The following SDCCAG8 variants were observed in gnomAD, a reference collection of about 807,000 sequenced individuals.
SDCCAG8 encodes the protein SHH signaling and ciliogenesis regulator SDCCAG8, also known as serologically defined colon cancer antigen 8.
SDCCAG8 carries 74 observed loss-of-function variants against 101.8 expected under a neutral mutation model. That is an observed-to-expected ratio of 0.73 (90% CI 0.60 to 0.88). The LOEUF (loss-of-function observed/expected upper bound fraction) is 0.88. Ranked by LOEUF, SDCCAG8 falls within the 40% of genes least tolerant of loss-of-function variation. The pLI, the probability that SDCCAG8 is intolerant of heterozygous loss-of-function variation, is 0.00. For synonymous variants in SDCCAG8, 281 were observed against 292.9 expected, an observed-to-expected ratio of 0.96 and a Z score of 0.41; for missense variants, 787 against 822.6, an observed-to-expected ratio of 0.96 and a Z score of 0.53.
chr1:243,312,681 G>T (rs1385777639), intron 8 of SDCCAG8, among the ~76,000 whole-genome samples: 3 of 150,682 alleles, frequency 2.0e-5, no homozygotes, highest in Admixed American at 6.6e-5. Flanking sequence ...ACTTCAGCCT[G>T]GGCAACAGAG....
intron 6 of SDCCAG8, among the ~76,000 whole-genome samples, chr1:243,302,817 T>C (rs1161184456): frequency 6.6e-6 from 1 of 152,066 alleles, no homozygotes; most frequent in Non-Finnish European, 1.5e-5. Context: ...GGGTACTCTA[T>C]GGAAAGCATT....
intron 9 of SDCCAG8, among the ~76,000 whole-genome samples, chr1:243,329,857 G>A (rs1187539636): frequency 6.6e-6 from 1 of 152,078 alleles, no homozygotes. Context: ...ATGCAGAGTG[G>A]GAAATTTACA....
At chr1:243,485,270 T>A (rs1664567918) in intron 16 of SDCCAG8, among the ~76,000 whole-genome samples, 1 of 152,214 alleles carries the variant, frequency 6.6e-6, no homozygotes, top group Non-Finnish European at 1.5e-5. Context: ...TACTAGCATG[T>A]ACCTCCTAGG....
At chr1:243,394,240 A>G (rs1227734711) in intron 13 of SDCCAG8, among the ~76,000 whole-genome samples, 1 of 152,224 alleles carries the variant, frequency 6.6e-6, no homozygotes, top group Admixed American at 6.5e-5. Flanking sequence ...GTGGTATAAC[A>G]TAGCCATATG....
chr1:243,294,501 A>AAGAGAGAGAG (rs2070627731), intron 6 of SDCCAG8, among the ~76,000 whole-genome samples: 2 of 26,698 alleles, frequency 7.5e-5, no homozygotes, highest in Admixed American at 3.9e-4. Context: ...GAGAGAGAGA[A>AAGAGAGAGAG]AGAGCGAGAG....
intron 12 of SDCCAG8, among the ~76,000 whole-genome samples, chr1:243,354,070 C>A (rs2076253499): frequency 6.6e-6 from 1 of 152,152 alleles, no homozygotes; most frequent in Admixed American, 6.5e-5. Context: ...ACCATGAGTA[C>A]AAAGTCATGA....
chr1:243,356,423 G>GC (rs1553324189), intron 12 of SDCCAG8, among the ~76,000 whole-genome samples: 1 of 150,624 alleles, frequency 6.6e-6, no homozygotes, highest in Non-Finnish European at 1.5e-5. Context: ...GTAGTGGCGG[G>GC]GGGGTGGTGG....
chr1:243,436,870 T>G (rs2082167816), intron 16 of SDCCAG8, among the ~76,000 whole-genome samples: 1 of 152,234 alleles, frequency 6.6e-6, no homozygotes, highest in African/African-American at 2.4e-5. Context: ...CTGTGAGTAT[T>G]AAACACCTAT....
intron 10 of SDCCAG8, among the ~76,000 whole-genome samples, chr1:243,333,538 C>T (rs1335584035): frequency 6.6e-6 from 1 of 152,138 alleles, no homozygotes; most frequent in East Asian, 1.9e-4. Context: ...TCTTAATAGT[C>T]GAGTTTCTTG....
In SDCCAG8 at chr1:243,388,927, A is replaced by G. The variant is rs370689792; in HGVS notation, c.1616+10064A>G. Reference sequence around the variant, plus strand: ...GGTGGTGCGTGCCTGAGTCCTGGCTATTTGGGAAGCTACGTGGTGGTGCGT... The same window carrying G: ...GGTGGTGCGTGCCTGAGTCCTGGCTGTTTGGGAAGCTACGTGGTGGTGCGT... On this transcript the variant is annotated intron_variant, in intron 13 of 17. Transcript: ENST00000366541. 2.0e-5 allele frequency among the ~76,000 whole-genome samples: 3 copies of G among 147,180 alleles called. No individual in the cohort carries two copies. In the East Asian group the frequency reaches 6.0e-4, roughly 29 times the overall value.
chr1:243,438,770 G>A (rs1229255397), intron 16 of SDCCAG8, among the ~76,000 whole-genome samples: 1 of 152,152 alleles, frequency 6.6e-6, no homozygotes, highest in East Asian at 1.9e-4. Flanking sequence ...GAGCCAGAGT[G>A]GCTCCTGATA....
At chr1:243,407,453 C>T (rs950980219) in intron 13 of SDCCAG8, among the ~76,000 whole-genome samples, 2 of 152,126 alleles carry the variant, frequency 1.3e-5, no homozygotes, top group Non-Finnish European at 2.9e-5. Context: ...AAAGTACAGA[C>T]ATGCAAAGGG....
intron 13 of SDCCAG8, among the ~76,000 whole-genome samples, chr1:243,399,718 A>C (rs888901269): frequency 3.3e-5 from 5 of 152,030 alleles, no homozygotes; most frequent in African/African-American, 9.7e-5. Context: ...TATTGGCCAG[A>C]CTGATCTCAA....
chr1:243,445,434 C>A (rs1411416591), intron 16 of SDCCAG8, among the ~76,000 whole-genome samples: 2 of 152,132 alleles, frequency 1.3e-5, no homozygotes, highest in African/African-American at 4.8e-5. Context: ...GGGAGGTGGA[C>A]TAGTACTAAT....
At chr1:243,262,761 T>C (rs1460613571) in intron 1 of SDCCAG8, among the ~76,000 whole-genome samples, 1 of 152,222 alleles carries the variant, frequency 6.6e-6, no homozygotes, top group Admixed American at 6.5e-5. Flanking sequence ...TGTGCTAAGA[T>C]TTTCACCATT....
At chr1:243,430,088 C>T (rs1051205412) in intron 16 of SDCCAG8, among the ~76,000 whole-genome samples, 2 of 152,176 alleles carry the variant, frequency 1.3e-5, no homozygotes, top group African/African-American at 4.8e-5. Flanking sequence ...CCCGCCTCGG[C>T]CTTCCAAATC....
At chr1:243,484,707 T>C (rs1320494909) in intron 16 of SDCCAG8, among the ~76,000 whole-genome samples, 2 of 152,282 alleles carry the variant, frequency 1.3e-5, no homozygotes, top group South Asian at 2.1e-4. Context: ...CGGGAGCATT[T>C]GTCATTCTTG....
chr1:243,486,895 G>T (rs902803338), intron 16 of SDCCAG8, among the ~76,000 whole-genome samples: 2 of 151,716 alleles, frequency 1.3e-5, no homozygotes, highest in South Asian at 2.1e-4. Context: ...TCACGTTTCT[G>T]TTCCATTCTT....
intron 12 of SDCCAG8, among the ~76,000 whole-genome samples, chr1:243,351,814 G>A (rs1476098310): frequency 6.6e-6 from 1 of 152,148 alleles, no homozygotes; most frequent in Non-Finnish European, 1.5e-5. Context: ...CTAAAATGCT[G>A]TGCCAAATTA....
Sources: gnomAD v4.1 joint callset for allele counts (sites outside exome capture counted in the v4.1 genomes callset) on GRCh38, gnomAD v4.1.1 for gene constraint, MANE v1.5 for transcripts, NCBI Gene and HGNC (gene_info 2026-07-23, HGNC 2026-07-21) for gene names.